The following CNTN1 variants were observed in gnomAD, a reference collection of about 807,000 sequenced individuals.
CNTN1 encodes the protein contactin-1.
Under a neutral mutation model 126.4 loss-of-function variants are expected in CNTN1, and 38 were observed. The ratio of observed to expected loss-of-function variants is 0.30; its 90% CI spans 0.23 to 0.39. CNTN1 has a LOEUF of 0.39. CNTN1 is among the 10% of genes least tolerant of loss of function. CNTN1 has a pLI of 1.00. For missense variants in CNTN1, 1,009 were observed against 1,248.4 expected, an observed-to-expected ratio of 0.81 and a Z score of 2.89; for synonymous variants, 413 against 422.6, an observed-to-expected ratio of 0.98 and a Z score of 0.28.
At position 40,959,604 on chromosome 12, in the gene CNTN1, T is replaced by A. The variant is rs142079289; in HGVS notation, c.1804+370T>A. On this transcript the variant is annotated intron_variant, in intron 15 of 23. Transcript: ENST00000551295. ...GGAAAAGATATATACTGATGCTGTT[T>A]ACTATAACCTCAACTGTTATATATT... Among the ~76,000 whole-genome samples the A allele has an allele frequency of 2.6e-5, 4 of 152,242 alleles. No individual in the cohort carries two copies. The East Asian group carries it at 7.7e-4, about 29-fold the overall frequency.
chr12:40,921,021 C>G (rs895981012), intron 4 of CNTN1, among the ~76,000 whole-genome samples: 3 of 152,138 alleles, frequency 2.0e-5, no homozygotes, highest in African/African-American at 7.2e-5. Context: ...TTGACAAGAG[C>G]TAAGCAACTT....
At chr12:40,977,869 C>G (rs909030008) in intron 15 of CNTN1, among the ~76,000 whole-genome samples, 1 of 152,012 alleles carries the variant, frequency 6.6e-6, no homozygotes, top group Non-Finnish European at 1.5e-5. Context: ...GTGGCGCAAT[C>G]TTGGCTCGCT....
rs1945826269 is a variant in CNTN1, at chr12:40,929,953, T to C, written c.654T>C (p.Ile218=). Residue 218 remains isoleucine (I), a synonymous_variant, in exon 7 of 24, where the codon ATT becomes ATC. Coordinates refer to ENST00000551295, the MANE Select transcript of CNTN1 (RefSeq NM_001843.4). The stretch of plus-strand genomic sequence containing the variant: ...CCTGCTTTGTTTCCAGTCCTTCTAT[T>C]ACAAAGAGCGTGTTCAGCAAATTCA... ...NYSCFVSSPS[I]TKSVFSKFIP... 3.1e-6 allele frequency: 5 copies of C among 1,612,846 alleles called. No homozygotes were observed. Among genetic ancestry groups the C allele is most frequent in the African/African-American group, 1.3e-5 (1 of 74,954 alleles).
Position 41,025,245 on chromosome 12 carries a change from A to G in CNTN1, c.2619A>G (p.Pro873=). The G allele has an allele frequency of 6.2e-7, 1 of 1,614,032 alleles. No homozygotes were observed. Among genetic ancestry groups the G allele is most frequent in the African/African-American group, 1.3e-5 (1 of 75,046 alleles). Residue 873 remains proline, a synonymous_variant, in exon 21 of 24, where the codon CCA becomes CCG. Coordinates refer to ENST00000551295, the MANE Select transcript of CNTN1 (RefSeq NM_001843.4). ...EYSARLENLL[P]DTQYFIEVGA... is the part of the protein sequence containing the mutation. ...CGGCCAGGCTCGAGAACCTTCTGCC[A>G]GACACCCAGTATTTTATAGAAGTCG... is the stretch of plus-strand genomic sequence containing the variant.
intron 15 of CNTN1, among the ~76,000 whole-genome samples, chr12:40,960,919 G>T (rs1369370091): frequency 6.6e-6 from 1 of 152,010 alleles, no homozygotes; most frequent in East Asian, 1.9e-4. Context: ...ATGTTACAGT[G>T]TGTGGACATA....
intron 9 of CNTN1, among the ~76,000 whole-genome samples, chr12:40,935,082 C>T (rs1425254458): frequency 6.6e-6 from 1 of 151,978 alleles, no homozygotes; most frequent in Admixed American, 6.6e-5. Context: ...TTTATGATCC[C>T]ACTCGTGATC....
intron 1 of CNTN1, among the ~76,000 whole-genome samples, chr12:40,721,369 G>C (rs1357674701): frequency 6.6e-6 from 1 of 151,208 alleles, no homozygotes; most frequent in Non-Finnish European, 1.5e-5. Flanking sequence ...TTTTTTTCTA[G>C]GTTTTAAGGT....
intron 1 of CNTN1, among the ~76,000 whole-genome samples, chr12:40,906,310 A>G (rs576880380): frequency 2.0e-5 from 3 of 152,288 alleles, no homozygotes; most frequent in Non-Finnish European, 4.4e-5. Flanking sequence ...CACCTCTATT[A>G]AACTGTTTAT....
chr12:40,930,015 T>C lies in CNTN1; in HGVS notation c.703+13T>C, dbSNP rs1198361198. 1 of 1,586,174 alleles carries C rather than the reference T, an allele frequency of 6.3e-7. No homozygotes were observed. Among genetic ancestry groups the C allele is most frequent in the Non-Finnish European group, 8.7e-7 (1 of 1,155,022 alleles). On this transcript the variant is annotated intron_variant, in intron 7 of 23. Coordinates refer to ENST00000551295, the MANE Select transcript of CNTN1 (RefSeq NM_001843.4). ...CCAATACCTGAACGTAAGTATTTTA[T>C]TTGTTACACTCTGTTTTCGCAAGGT...
In CNTN1 at chr12:41,072,362, T is replaced by G. The variant is rs1464003074; in HGVS notation, c.*2327T>G. On this transcript the variant is annotated 3_prime_UTR_variant, in exon 24 of 24. Transcript: ENST00000551295. ...ATAGGACTGTGCTTTGTCCTTTTTATGAATGAAAAAATTAGTATAAAGTAA... is the reference window on the plus strand; with the variant it reads ...ATAGGACTGTGCTTTGTCCTTTTTAGGAATGAAAAAATTAGTATAAAGTAA... 6.6e-6 allele frequency: 1 copy of G among 152,242 alleles called. No individual in the cohort carries two copies. Among genetic ancestry groups the G allele is most frequent in the Non-Finnish European group, 1.5e-5 (1 of 68,028 alleles). The allele number at this position is 152,242 out of a possible 1,614,324, so 9.4% of individuals were successfully genotyped here. A position where few individuals can be genotyped will look rare whatever the true frequency, so the allele number is the denominator to read the frequency against.
chr12:40,936,325 C>G (rs1946080093), intron 9 of CNTN1, among the ~76,000 whole-genome samples: 1 of 151,992 alleles, frequency 6.6e-6, no homozygotes, highest in East Asian at 1.9e-4. Context: ...ACCGTGGCCA[C>G]TAGCTGAAAG....
At chr12:41,029,514 GTTTA>G (rs936189288) in intron 23 of CNTN1, among the ~76,000 whole-genome samples, 28 of 152,128 alleles carry the variant, frequency 1.8e-4, no homozygotes, top group African/African-American at 6.5e-4. Flanking sequence ...GAACATATTA[GTTTA>G]TTTGATTGTG....
At chr12:40,764,320 C>T (rs1334289552) in intron 1 of CNTN1, among the ~76,000 whole-genome samples, 1 of 152,088 alleles carries the variant, frequency 6.6e-6, no homozygotes, top group Admixed American at 6.5e-5. Context: ...AGAGATTAGC[C>T]TCAACTCCAG....
intron 1 of CNTN1, among the ~76,000 whole-genome samples, chr12:40,813,901 A>G (rs1941173765): frequency 6.6e-6 from 1 of 152,070 alleles, no homozygotes; most frequent in Admixed American, 6.6e-5. Context: ...CTGGTGTGAG[A>G]TGGTATCTCA....
chr12:40,957,061 T>C (rs1181996787), intron 14 of CNTN1, among the ~76,000 whole-genome samples: 4 of 151,580 alleles, frequency 2.6e-5, no homozygotes, highest in African/African-American at 9.7e-5. Context: ...TAGAAAAAAA[T>C]GAGTATTTGA....
rs538208074 is a variant in CNTN1, at chr12:41,058,561, C to G, written c.2981-11398C>G. On this transcript the variant is annotated intron_variant, in intron 23 of 23. Transcript: ENST00000551295. ...ACTCTGCTGATTTTATAAATAAACT[C>G]CTGCAAAAGTGATGAAAGTTAATCT... Among the ~76,000 whole-genome samples the G allele has an allele frequency of 2.0e-5, 3 of 152,134 alleles. No individual in the cohort carries two copies. The East Asian group carries it at 5.8e-4, about 29-fold the overall frequency.
chr12:41,003,978 C>A (rs375697750), intron 17 of CNTN1, among the ~76,000 whole-genome samples: 147 of 152,216 alleles, frequency 9.7e-4, no homozygotes, highest in African/African-American at 3.3e-3. Context: ...TTCTTGTCTT[C>A]TGCTAGCTTT....
At chr12:40,985,154 T>C (rs1420576698) in intron 16 of CNTN1, among the ~76,000 whole-genome samples, 1 of 152,128 alleles carries the variant, frequency 6.6e-6, no homozygotes, top group Non-Finnish European at 1.5e-5. Context: ...TTTGCTTGGA[T>C]ATGATATTCT....
At chr12:40,696,262 A>G (rs1163744624) in intron 1 of CNTN1, among the ~76,000 whole-genome samples, 3 of 152,172 alleles carry the variant, frequency 2.0e-5, no homozygotes, top group Non-Finnish European at 2.9e-5. Flanking sequence ...GGAGACTACA[A>G]CTTTACAGGC....
Sources: gnomAD v4.1 joint callset for allele counts (sites outside exome capture counted in the v4.1 genomes callset) on GRCh38, gnomAD v4.1.1 for gene constraint, MANE v1.5 for transcripts, NCBI Gene and HGNC (gene_info 2026-07-23, HGNC 2026-07-21) for gene names.